Variants in ALPK1 observed in about 807,000 individuals in gnomAD.
The protein encoded by ALPK1 is alpha-protein kinase 1.
ALPK1 carries 110 observed loss-of-function variants against 120.6 expected under a neutral mutation model. The observed-to-expected ratio is 0.91, with a 90% CI of 0.78 to 1.07. ALPK1 has a LOEUF of 1.07. ALPK1 is among the 50% of genes least tolerant of loss of function. The pLI is 0.00. For missense variants in ALPK1, 1,498 were observed against 1,483.9 expected (o/e 1.01, Z -0.16); for synonymous variants, 582 against 560.3 (o/e 1.04, Z -0.55).
At chr4:112,432,639 T>C (rs1232607608) in intron 11 of ALPK1, 58 bp downstream of exon 11, 1 of 1,499,830 alleles carries the variant, frequency 6.7e-7, no homozygotes, top group Non-Finnish European at 9.0e-7. Context: ...TGGGGCACTC[T>C]GAAGAGCTTG....
At chr4:112,377,565 C>T (rs1223744690) in intron 2 of ALPK1, 113 bp from the exon 3 acceptor site, 10 of 386,024 alleles carry the variant, frequency 2.6e-5, no homozygotes, top group Admixed American at 1.1e-4. Flanking sequence ...ATAAAGTCCT[C>T]GGGGGCTGTC....
chr4:112,392,347 C>T (rs1732456488), intron 4 of ALPK1, among the ~76,000 whole-genome samples: 1 of 152,120 alleles, frequency 6.6e-6, no homozygotes, highest in Admixed American at 6.5e-5. Context: ...TTCCCCCCAA[C>T]CCTCATATCT....
At position 112,441,222 on chromosome 4, in the gene ALPK1, G is replaced by A. The variant is rs2148769382; in HGVS notation, c.*12G>A. On this transcript the variant is annotated 3_prime_UTR_variant, in exon 16 of 16. Coordinates refer to ENST00000650871, the MANE Select transcript of ALPK1 (RefSeq NM_025144.4). ...TTCCAGGCACATAGAATACGGCACA[G>A]TCTGGTCCTTTGGGGCTTGGGCAGG... 6.4e-7 allele frequency: 1 copy of A among 1,567,820 alleles called. No individual in the cohort carries two copies. The highest frequency in any genetic ancestry group is 1.7e-5 in the Admixed American group (1 of 59,960).
At chr4:112,352,752 G>C (rs934389177) in intron 2 of ALPK1, 1 of 152,038 alleles carries the variant, frequency 6.6e-6, no homozygotes, top group African/African-American at 2.4e-5. Flanking sequence ...TATAATGTTT[G>C]TAAATTTTAC....
chr4:112,382,629 A>G (rs1323696505), intron 4 of ALPK1, 77 bp downstream of exon 4: 1 of 1,602,542 alleles, frequency 6.2e-7, no homozygotes, highest in East Asian at 2.2e-5. Context: ...TAATAGATTA[A>G]ATTTCTTTGA....
At chr4:112,392,572 A>C (rs981945199) in intron 4 of ALPK1, among the ~76,000 whole-genome samples, 12 of 152,238 alleles carry the variant, frequency 7.9e-5, no homozygotes, top group African/African-American at 2.4e-4. Context: ...CCCAGGCTGC[A>C]GTGCAGTACA....
intron 2 of ALPK1, among the ~76,000 whole-genome samples, chr4:112,369,128 T>C (rs1731286614): frequency 6.6e-6 from 1 of 152,214 alleles, no homozygotes; most frequent in Non-Finnish European, 1.5e-5. Flanking sequence ...TTGTTTTCAG[T>C]GGGAGTGTTA....
chr4:112,307,746 C>T (rs1389351678), intron 1 of ALPK1, among the ~76,000 whole-genome samples: 1 of 152,078 alleles, frequency 6.6e-6, no homozygotes, highest in African/African-American at 2.4e-5. Context: ...AGCCCATTTA[C>T]ATTTAAGGCT....
chr4:112,325,667 C>G (rs977553317), intron 2 of ALPK1, among the ~76,000 whole-genome samples: 9 of 152,170 alleles, frequency 5.9e-5, no homozygotes, highest in African/African-American at 1.9e-4. Flanking sequence ...CCTCCCTGCC[C>G]CACTTTGTCC....
At chr4:112,308,618 T>A (rs1458014430) in intron 1 of ALPK1, among the ~76,000 whole-genome samples, 1 of 152,132 alleles carries the variant, frequency 6.6e-6, no homozygotes, top group African/African-American at 2.4e-5. Context: ...TAAGGACTTC[T>A]CTACACTGGT....
At chr4:112,359,744 C>T (rs554046997) in intron 2 of ALPK1, 3 of 359,932 alleles carry the variant, frequency 8.3e-6, no homozygotes, top group East Asian at 1.8e-4. Context: ...AGTGGGGCCT[C>T]TAGGACGTGC....
At chr4:112,325,787 A>G (rs1286179951) in intron 2 of ALPK1, among the ~76,000 whole-genome samples, 1 of 152,192 alleles carries the variant, frequency 6.6e-6, no homozygotes, top group Non-Finnish European at 1.5e-5. Flanking sequence ...GTTTCAGGCA[A>G]CCTTAAATGA....
intron 2 of ALPK1, among the ~76,000 whole-genome samples, chr4:112,364,635 G>A (rs965394036): frequency 1.3e-5 from 2 of 152,142 alleles, no homozygotes; most frequent in Non-Finnish European, 2.9e-5. Context: ...ATGCAAAGAA[G>A]AATTGGTACC....
intron 4 of ALPK1, among the ~76,000 whole-genome samples, chr4:112,390,483 T>C (rs1732361717): frequency 6.6e-6 from 1 of 152,162 alleles, no homozygotes; most frequent in African/African-American, 2.4e-5. Context: ...GGGGTTTCTG[T>C]CTCTCTCTTC....
At chr4:112,308,397 G>C (rs1373365469) in intron 1 of ALPK1, among the ~76,000 whole-genome samples, 1 of 152,238 alleles carries the variant, frequency 6.6e-6, no homozygotes, top group Non-Finnish European at 1.5e-5. Context: ...ATCAGACATA[G>C]ATTTGGTCTT....
intron 3 of ALPK1, among the ~76,000 whole-genome samples, chr4:112,382,113 G>A (rs1303915858): frequency 6.6e-6 from 1 of 152,030 alleles, no homozygotes; most frequent in Non-Finnish European, 1.5e-5. Context: ...TGCAGAGATA[G>A]TCACTAAAGT....
intron 4 of ALPK1, among the ~76,000 whole-genome samples, chr4:112,385,956 T>C (rs1022440918): frequency 6.6e-6 from 1 of 152,202 alleles, no homozygotes; most frequent in Non-Finnish European, 1.5e-5. Context: ...GTTTTTCAAA[T>C]AAGCATTGTA....
At chr4:112,401,884 T>A (rs1301724509) in intron 4 of ALPK1, among the ~76,000 whole-genome samples, 1 of 152,214 alleles carries the variant, frequency 6.6e-6, no homozygotes, top group Non-Finnish European at 1.5e-5. Flanking sequence ...TTTCTATTGG[T>A]AAAAATGAAA....
chr4:112,337,561 A>G (rs1038477626), intron 2 of ALPK1, among the ~76,000 whole-genome samples: 8 of 152,178 alleles, frequency 5.3e-5, no homozygotes, highest in Admixed American at 6.5e-5. Flanking sequence ...AAAATGAGCC[A>G]GGCATGGTGG....
Sources: gnomAD v4.1 joint callset for allele counts (sites outside exome capture counted in the v4.1 genomes callset) on GRCh38, gnomAD v4.1.1 for gene constraint, MANE v1.5 for transcripts, NCBI Gene and HGNC (gene_info 2026-07-23, HGNC 2026-07-21) for gene names.